The following SH3BP5 variants were observed in gnomAD, a reference collection of about 807,000 sequenced individuals.
The protein encoded by SH3BP5 is SH3 domain binding protein 5, also known as SH3 domain-binding protein 5.
A neutral mutation model predicts 43.3 loss-of-function variants in SH3BP5; 22 were observed. The observed-to-expected ratio is 0.51, with a 90% CI of 0.36 to 0.73. SH3BP5 has a LOEUF of 0.73. Among genes scored for constraint, SH3BP5 ranks in the 30% least tolerant of loss-of-function variants. The pLI, the probability that SH3BP5 is intolerant of heterozygous loss-of-function variation, is 0.00. For synonymous variants in SH3BP5, 255 were observed against 225.8 expected (o/e 1.13, Z -1.16); for missense variants, 529 against 586.9 (o/e 0.90, Z 1.02).
At chr3:15,277,679 C>T (rs1044187837) in intron 3 of SH3BP5, among the ~76,000 whole-genome samples, 1 of 152,058 alleles carries the variant, frequency 6.6e-6, no homozygotes, top group Non-Finnish European at 1.5e-5. Flanking sequence ...AGGCACGGGG[C>T]AGGCAAAATT....
intron 4 of SH3BP5, 131 bp downstream of exon 4, chr3:15,269,582 G>T: frequency 1.0e-6 from 1 of 972,942 alleles, no homozygotes; most frequent in Middle Eastern, 3.4e-4. Flanking sequence ...ATCATACGGA[G>T]ATGACAACCT....
At chr3:15,271,793 A>T (rs1696806744) in intron 3 of SH3BP5, 1 of 152,216 alleles carries the variant, frequency 6.6e-6, no homozygotes, top group Admixed American at 6.5e-5. Context: ...TCTTGTGGAC[A>T]GTAGATACCT....
At chr3:15,307,104 A>C (rs1200902196) in intron 2 of SH3BP5, among the ~76,000 whole-genome samples, 3 of 152,126 alleles carry the variant, frequency 2.0e-5, no homozygotes, top group Non-Finnish European at 4.4e-5. Context: ...CGGCATTCCA[A>C]AATATGAGGA....
At chr3:15,256,795 C>T in intron 8 of SH3BP5, 58 bp downstream of exon 8, 4 of 1,544,876 alleles carry the variant, frequency 2.6e-6, no homozygotes, top group South Asian at 2.5e-5. Flanking sequence ...AATGGCACAA[C>T]AGTCAGGCTA....
At chr3:15,272,720 G>GATAAAGAC (rs1173079973) in intron 3 of SH3BP5, among the ~76,000 whole-genome samples, 2 of 151,484 alleles carry the variant, frequency 1.3e-5, no homozygotes, top group South Asian at 2.1e-4. Context: ...GTGCCTGTAG[G>GATAAAGAC]AGATTCGATG....
Position 15,262,397 on chromosome 3 carries a change from CAT to C in SH3BP5, c.496-110_496-109del, listed in dbSNP as rs112137048. ...TATTCTTTGCCCGGGCATGGTGACA[CAT>C]GTGTAATCCCAGCACTTTGGGAGGC... On this transcript the variant is annotated intron_variant, in intron 4 of 8. Transcript: ENST00000383791. 1,438 of 1,362,380 alleles carry C rather than the reference CAT, an allele frequency of 1.1e-3. 8 individuals are homozygous for C. The African/African-American group carries it at 0.015, about 14-fold the overall frequency. The allele number at this position is 1,362,380 out of a possible 1,614,324, so 84.4% of individuals were successfully genotyped here.
intron 4 of SH3BP5, among the ~76,000 whole-genome samples, chr3:15,267,849 T>C (rs940075330): frequency 2.6e-5 from 4 of 152,204 alleles, no homozygotes; most frequent in African/African-American, 9.7e-5. Context: ...GCATGGTTTG[T>C]TTATCTTTAA....
intron 2 of SH3BP5, among the ~76,000 whole-genome samples, chr3:15,310,170 T>C (rs1372030864): frequency 6.6e-6 from 1 of 152,206 alleles, no homozygotes; most frequent in Non-Finnish European, 1.5e-5. Context: ...TGACCCATCA[T>C]AACCAATGAG....
chr3:15,295,448 G>C (rs2125100017), intron 3 of SH3BP5, among the ~76,000 whole-genome samples: 1 of 152,240 alleles, frequency 6.6e-6, no homozygotes, highest in African/African-American at 2.4e-5. Flanking sequence ...TTTTAGTGCT[G>C]TGTTTTTGAC....
chr3:15,254,532 A>ATTCTC lies in SH3BP5; in HGVS notation c.*1549_*1553dup, dbSNP rs1696126024. 2 of 151,952 alleles carry ATTCTC rather than the reference A, an allele frequency of 1.3e-5. No homozygotes were observed. Among genetic ancestry groups the ATTCTC allele is most frequent in the South Asian group, 2.1e-4 (1 of 4,826 alleles). The allele number at this position is 151,952 out of a possible 1,614,324, so 9.4% of individuals were successfully genotyped here. A position where few individuals can be genotyped will look rare whatever the true frequency, so the allele number is the denominator to read the frequency against. On this transcript the variant is annotated 3_prime_UTR_variant, in exon 9 of 9. Transcript: ENST00000383791. ...CCCCCCCCAGTTAATTAATTAAATAATTCTCTGGGGATGAGAACTGACTGA... is the reference window on the plus strand; with the variant it reads ...CCCCCCCCAGTTAATTAATTAAATAATTCTCTTCTCTGGGGATGAGAACTGACTGA...
chr3:15,280,265 C>T (rs532425304), intron 3 of SH3BP5, among the ~76,000 whole-genome samples: 39 of 152,276 alleles, frequency 2.6e-4, no homozygotes, highest in South Asian at 1.4e-3. Flanking sequence ...CACATTCCTC[C>T]TCATCCTCCT....
rs1358367528 is a variant in SH3BP5, at chr3:15,269,886, G to A, written c.331-9C>T. The A allele has an allele frequency of 3.3e-6, 5 of 1,519,720 alleles. No individual in the cohort carries two copies. Among genetic ancestry groups the A allele is most frequent in the Admixed American group, 2.2e-5 (1 of 45,852 alleles). The allele number at this position is 1,519,720 out of a possible 1,614,324, so 94.1% of individuals were successfully genotyped here. A position where few individuals can be genotyped will look rare whatever the true frequency, so the allele number is the denominator to read the frequency against. ...TGAGCTTCCAGCTGAGCCTGTGTGA[G>A]AAAGAATCCTCATGAGGCCTCAGAA... is the stretch of plus-strand genomic sequence containing the variant. On this transcript the variant is annotated splice_polypyrimidine_tract_variant and intron_variant, in intron 3 of 8. Transcript: ENST00000383791.
chr3:15,285,201 T>A (rs1363022958), intron 3 of SH3BP5, among the ~76,000 whole-genome samples: 1 of 152,228 alleles, frequency 6.6e-6, no homozygotes, highest in Non-Finnish European at 1.5e-5. Flanking sequence ...TCCCTTATGA[T>A]CAATCGTTAT....
intron 3 of SH3BP5, among the ~76,000 whole-genome samples, chr3:15,294,330 T>TGTGTGTGTGTGTGTGCGC (rs565464561): frequency 8.2e-6 from 1 of 121,506 alleles, no homozygotes; most frequent in Non-Finnish European, 1.6e-5. Context: ...TGTGTGTGTG[T>TGTGTGTGTGTGTGTGCGC]GCGCGCGCAT....
At chr3:15,271,322 C>T (rs888000722) in intron 3 of SH3BP5, among the ~76,000 whole-genome samples, 3 of 152,048 alleles carry the variant, frequency 2.0e-5, no homozygotes, top group Non-Finnish European at 2.9e-5. Flanking sequence ...ACAATTATGC[C>T]GCTGCACTCC....
intron 3 of SH3BP5, among the ~76,000 whole-genome samples, chr3:15,275,241 A>G (rs1353578735): frequency 6.6e-6 from 1 of 152,250 alleles, no homozygotes; most frequent in African/African-American, 2.4e-5. Context: ...AGGAAGCACC[A>G]AAGAGTTTAC....
intron 1 of SH3BP5, 83 bp from the exon 2 acceptor site, chr3:15,330,649 T>C (rs991359723): frequency 8.6e-6 from 12 of 1,396,906 alleles, no homozygotes; most frequent in Non-Finnish European, 1.1e-5. Context: ...ACCTGAAAAA[T>C]TACCCCAGCC....
intron 3 of SH3BP5, among the ~76,000 whole-genome samples, chr3:15,288,194 C>T (rs986579585): frequency 1.8e-4 from 27 of 152,164 alleles, no homozygotes; most frequent in African/African-American, 6.3e-4. Context: ...GGATGAGGAC[C>T]ACCCACACTG....
upstream of SH3BP5, among the ~76,000 whole-genome samples, chr3:15,335,523 G>A (rs1008982488): frequency 3.9e-5 from 6 of 152,170 alleles, no homozygotes; most frequent in South Asian, 2.1e-4. Context: ...CAGTGACCCC[G>A]ATCATGCCAC....
Sources: allele counts gnomAD v4.1 joint callset (sites outside exome capture counted in the v4.1 genomes callset), GRCh38; gene constraint gnomAD v4.1.1; transcripts MANE v1.5; gene names NCBI Gene and HGNC (gene_info 2026-07-23, HGNC 2026-07-21).